The following FRMD4A variants were observed in gnomAD, a reference collection of about 807,000 sequenced individuals.
The protein encoded by FRMD4A is FERM domain containing 4A.
A neutral mutation model predicts 129.1 loss-of-function variants in FRMD4A; 29 were observed. The observed-to-expected ratio is 0.22, with a 90% confidence interval of 0.17 to 0.31. The LOEUF is 0.31. Among genes scored for constraint, FRMD4A ranks in the 10% least tolerant of loss-of-function variants. The pLI is 1.00. For missense variants in FRMD4A, 1,272 were observed against 1,375.8 expected, an observed-to-expected ratio of 0.92 and a Z score of 1.19; for synonymous variants, 634 against 571.6, an observed-to-expected ratio of 1.11 and a Z score of -1.56.
At chr10:13,960,911 G>A (rs1456356392) in intron 2 of FRMD4A, among the ~76,000 whole-genome samples, 1 of 152,172 alleles carries the variant, frequency 6.6e-6, no homozygotes, top group Non-Finnish European at 1.5e-5. Context: ...GTCACAAGAT[G>A]ACATCGAATG....
intron 2 of FRMD4A, among the ~76,000 whole-genome samples, chr10:13,924,713 A>G (rs992882082): frequency 6.6e-6 from 1 of 152,056 alleles, no homozygotes. Context: ...AACTTTCCTG[A>G]GCATGGGCAC....
intron 2 of FRMD4A, among the ~76,000 whole-genome samples, chr10:14,188,821 G>C (rs139785205): frequency 6.6e-6 from 1 of 152,152 alleles, no homozygotes; most frequent in Non-Finnish European, 1.5e-5. Context: ...TGGGAGGATC[G>C]CCTGAGCCTG....
At chr10:14,290,900 G>C (rs1203478278) in intron 2 of FRMD4A, among the ~76,000 whole-genome samples, 1 of 152,010 alleles carries the variant, frequency 6.6e-6, no homozygotes, top group African/African-American at 2.4e-5. Context: ...TGGCAAATAG[G>C]AACTCAATAA....
intron 8 of FRMD4A, among the ~76,000 whole-genome samples, chr10:13,760,385 G>A (rs72769557): frequency 0.025 from 3,817 of 152,236 alleles, 65 homozygotes; most frequent in Middle Eastern, 0.065. Flanking sequence ...CCGGTGCAGT[G>A]ACTCATGCCT....
intron 2 of FRMD4A, among the ~76,000 whole-genome samples, chr10:14,198,630 T>C (rs1842541352): frequency 6.6e-6 from 1 of 152,220 alleles, no homozygotes; most frequent in Non-Finnish European, 1.5e-5. Context: ...TGTCCTCTTA[T>C]CACAGATATG....
chr10:13,833,626 A>C (rs192211236), intron 3 of FRMD4A, among the ~76,000 whole-genome samples: 1 of 152,104 alleles, frequency 6.6e-6, no homozygotes, highest in African/African-American at 2.4e-5. Flanking sequence ...GAACCTGTCA[A>C]TACAATATCA....
In FRMD4A at chr10:13,763,173, T is replaced by G. The variant is rs183913769; in HGVS notation, c.385-493A>C. ...GGCCTACCCGACTATCTCAAGGGCC[T>G]CACCTTTAAATCTTTAGAGAAATTA... On this transcript the variant is annotated intron_variant, in intron 6 of 24. Transcript: ENST00000357447. 8.8e-4 allele frequency among the ~76,000 whole-genome samples: 134 copies of G among 152,318 alleles called. 2 individuals are homozygous for G. Among genetic ancestry groups the G allele is most frequent in the African/African-American group, 3.2e-3 (132 of 41,566 alleles).
intron 10 of FRMD4A, 63 bp downstream of exon 10, chr10:13,740,449 G>A (rs2090919879): frequency 1.0e-6 from 1 of 1,003,518 alleles, no homozygotes; most frequent in Non-Finnish European, 1.6e-6. Context: ...GAACAATCCT[G>A]ACATACGATA....
intron 2 of FRMD4A, among the ~76,000 whole-genome samples, chr10:14,006,772 C>A (rs2095663712): frequency 1.3e-5 from 2 of 152,294 alleles, no homozygotes; most frequent in South Asian, 2.1e-4. Context: ...GCAGCCTGAT[C>A]AATGTGTAAA....
At position 13,657,154 on chromosome 10, in the gene FRMD4A, C is replaced by T. The variant is rs902473126; in HGVS notation, c.2435G>A (p.Gly812Asp). The change falls in exon 22 of 25, where the codon GGC (glycine) becomes GAC (aspartate). Residue 812 changes from glycine to aspartate, a missense_variant. Gly to Asp is a moderately conservative substitution (Grantham distance 94). This residue lies in a region of FRMD4A where 972 missense variants were observed against 892.3 expected (regional missense o/e 1.09). Coordinates refer to ENST00000357447, the MANE Select transcript of FRMD4A (RefSeq NM_018027.5). Reference sequence around the variant, plus strand: ...CACACCGCCCCCCGCGCCCCCCGCGCCCCCCGCACCCCCGCGCGCCGCCAG... The same window carrying T: ...CACACCGCCCCCCGCGCCCCCCGCGTCCCCCGCACCCCCGCGCGCCGCCAG... The part of the protein sequence containing the change: ...PNLAARGGAG[G>D]AGGAGGGVYL... 2.7e-6 allele frequency: 4 copies of T among 1,474,256 alleles called. No individual in the cohort carries two copies. Among genetic ancestry groups the T allele is most frequent in the African/African-American group, 2.9e-5 (2 of 68,040 alleles). The allele number at this position is 1,474,256 out of a possible 1,614,324, so 91.3% of individuals were successfully genotyped here. A position where few individuals can be genotyped will look rare whatever the true frequency, so the allele number is the denominator to read the frequency against.
At chr10:14,010,152 C>A (rs939019616) in intron 2 of FRMD4A, among the ~76,000 whole-genome samples, 1 of 152,100 alleles carries the variant, frequency 6.6e-6, no homozygotes, top group Non-Finnish European at 1.5e-5. Context: ...GACTGAGAAG[C>A]CACTGTCCTC....
chr10:14,063,075 AAACACTT>A (rs1420674056), intron 2 of FRMD4A, among the ~76,000 whole-genome samples: 1 of 152,250 alleles, frequency 6.6e-6, no homozygotes, highest in East Asian at 1.9e-4. Flanking sequence ...ATGACTTACG[AAACACTT>A]AATATGGGCC....
At chr10:13,758,692 G>C (rs141374716) in intron 8 of FRMD4A, among the ~76,000 whole-genome samples, 95 of 152,108 alleles carry the variant, frequency 6.2e-4, no homozygotes, top group Non-Finnish European at 1.1e-3. Flanking sequence ...TTTTTGCTGA[G>C]AGCCTTCTTT....
intron 2 of FRMD4A, among the ~76,000 whole-genome samples, chr10:13,990,743 C>T (rs982604874): frequency 1.3e-5 from 2 of 152,186 alleles, no homozygotes; most frequent in Non-Finnish European, 1.5e-5. Context: ...ATCGGAAACT[C>T]AGAAACGTGT....
intron 2 of FRMD4A, among the ~76,000 whole-genome samples, chr10:14,049,283 G>A (rs1214568282): frequency 6.6e-6 from 1 of 152,200 alleles, no homozygotes; most frequent in Admixed American, 6.5e-5. Context: ...GGGGATTTGG[G>A]GGATGAGGAG....
At chr10:13,844,173 G>A (rs1211620422) in intron 3 of FRMD4A, among the ~76,000 whole-genome samples, 1 of 152,006 alleles carries the variant, frequency 6.6e-6, no homozygotes, top group African/African-American at 2.4e-5. Context: ...GTATGTGAGT[G>A]TGTGTGTGTG....
intron 2 of FRMD4A, among the ~76,000 whole-genome samples, chr10:14,126,951 A>C (rs1341722634): frequency 6.6e-6 from 1 of 152,156 alleles, no homozygotes; most frequent in East Asian, 1.9e-4. Context: ...CACTTGACAA[A>C]TATTTGAGTG....
At chr10:14,126,277 T>C (rs111799296) in intron 2 of FRMD4A, among the ~76,000 whole-genome samples, 5,043 of 150,688 alleles carry the variant, frequency 0.033, 116 homozygotes, top group Non-Finnish European at 0.052. Flanking sequence ...TTCAAGCAAT[T>C]CTCTTCCCTC....
At chr10:14,094,854 C>T (rs891720556) in intron 2 of FRMD4A, among the ~76,000 whole-genome samples, 16 of 152,102 alleles carry the variant, frequency 1.1e-4, no homozygotes, top group African/African-American at 3.9e-4. Context: ...GTATGCATGC[C>T]AAGTGTGCAT....
Sources: gnomAD v4.1 joint callset for allele counts (sites outside exome capture counted in the v4.1 genomes callset) on GRCh38, gnomAD v4.1.1 for gene constraint, gnomAD v4.1.1 regional missense constraint, MANE v1.5 for transcripts, NCBI Gene and HGNC (gene_info 2026-07-23, HGNC 2026-07-21) for gene names.